The following PTCHD4 variants were observed in gnomAD, a reference collection of about 807,000 sequenced individuals.
The protein encoded by PTCHD4 is patched domain containing 4, also known as patched domain-containing protein 4.
PTCHD4 carries 33 observed loss-of-function variants against 58.1 expected under a neutral mutation model. The observed-to-expected ratio is 0.57, with a 90% CI of 0.43 to 0.76. The LOEUF (loss-of-function observed/expected upper bound fraction) is 0.76, where lower values mean the gene tolerates loss of function less well. Among genes scored for constraint, PTCHD4 ranks in the 30% least tolerant of loss-of-function variants. The pLI is 0.00. For synonymous variants in PTCHD4, 478 were observed against 409.6 expected, an observed-to-expected ratio of 1.17 and a Z score of -2.02; for missense variants, 1,058 against 1,027.1, an observed-to-expected ratio of 1.03 and a Z score of -0.41.
chr6:47,957,568 GACAAGT>G (rs1007666705), intron 4 of PTCHD4, among the ~76,000 whole-genome samples: 37 of 66,678 alleles, frequency 5.5e-4, no homozygotes, highest in South Asian at 1.5e-3. Context: ...TCAAATACAA[GACAAGT>G]TTTTTTTTTT....
At position 48,016,628 on chromosome 6, in the gene PTCHD4, A is replaced by G. The variant is rs1164804976; in HGVS notation, c.418-7514T>C. 2.0e-5 allele frequency among the ~76,000 whole-genome samples: 3 copies of G among 151,934 alleles called. No individual in the cohort carries two copies. In the East Asian group the frequency reaches 5.8e-4, roughly 29 times the overall value. The stretch of plus-strand genomic sequence containing the variant: ...TATCTCTCCAGCAGCAGTAATGCTG[A>G]AGAGAAAAAAAAAATCTTGGGTTCG... On this transcript the variant is annotated intron_variant, in intron 3 of 4. Coordinates refer to ENST00000339488, the MANE Select transcript of PTCHD4 (RefSeq NM_001384253.1).
rs183128378 is a variant in PTCHD4, at chr6:47,928,056, C to G, written c.899-48120G>C. ...AAAATACATGGTGACAGTTTTCTGT[C>G]TTTCTCCATATAAACACCTTGTGGC... On this transcript the variant is annotated intron_variant, in intron 4 of 4. Coordinates refer to ENST00000339488, the MANE Select transcript of PTCHD4 (RefSeq NM_001384253.1). Among the ~76,000 whole-genome samples the G allele has an allele frequency of 2.6e-5, 4 of 152,242 alleles. No individual in the cohort carries two copies. In the East Asian group the frequency reaches 5.8e-4, roughly 22 times the overall value.
intron 4 of PTCHD4, among the ~76,000 whole-genome samples, chr6:47,984,519 A>G (rs774857080): frequency 2.5e-4 from 38 of 152,138 alleles, no homozygotes; most frequent in Non-Finnish European, 4.4e-4. Flanking sequence ...TTCAGATTAC[A>G]ATTGTCAATG....
At chr6:48,103,024 G>C (rs995746730) in intron 1 of PTCHD4, among the ~76,000 whole-genome samples, 2 of 152,210 alleles carry the variant, frequency 1.3e-5, no homozygotes, top group Admixed American at 1.3e-4. Flanking sequence ...TCCACCTCTG[G>C]GGGCAGGGCA....
At chr6:47,927,911 C>T (rs1765679627) in intron 4 of PTCHD4, among the ~76,000 whole-genome samples, 1 of 151,942 alleles carries the variant, frequency 6.6e-6, no homozygotes, top group Non-Finnish European at 1.5e-5. Context: ...ACATGAGCCA[C>T]TGTACCCATC....
At chr6:48,043,464 G>A (rs1763918765) in intron 3 of PTCHD4, among the ~76,000 whole-genome samples, 2 of 151,830 alleles carry the variant, frequency 1.3e-5, no homozygotes, top group Non-Finnish European at 2.9e-5. Context: ...AATTTAGAAT[G>A]TTAAGATTCT....
intron 3 of PTCHD4, among the ~76,000 whole-genome samples, chr6:48,029,541 C>A (rs891147856): frequency 1.3e-5 from 2 of 151,976 alleles, no homozygotes; most frequent in Non-Finnish European, 2.9e-5. Flanking sequence ...GTTAAATTTT[C>A]TAGACTTAAA....
intron 3 of PTCHD4, among the ~76,000 whole-genome samples, chr6:48,036,780 T>C (rs1763653176): frequency 6.6e-6 from 1 of 152,166 alleles, no homozygotes; most frequent in African/African-American, 2.4e-5. Context: ...CTCTAAGATC[T>C]ACAATTAAGA....
chr6:47,859,200 C>A lies in PTCHD4; in HGVS notation c.*19103G>T, dbSNP rs551923768. Among the ~76,000 whole-genome samples the A allele has an allele frequency of 6.6e-6, 1 of 151,992 alleles. No individual in the cohort carries two copies. Among genetic ancestry groups the A allele is most frequent in the Non-Finnish European group, 1.5e-5 (1 of 67,962 alleles). On this transcript the variant is annotated 3_prime_UTR_variant, in exon 5 of 5. Transcript: ENST00000339488. ...TTAAGCCTGAGAAGCAGCAGGCTAC[C>A]AATTGCTCCCATTTAAGGATGTGGC...
intron 4 of PTCHD4, among the ~76,000 whole-genome samples, chr6:47,915,487 G>A (rs1765214416): frequency 6.6e-6 from 1 of 151,950 alleles, no homozygotes; most frequent in Admixed American, 6.6e-5. Flanking sequence ...GATTAAAGGT[G>A]GTTACATCAG....
intron 4 of PTCHD4, among the ~76,000 whole-genome samples, chr6:47,929,924 A>G (rs1416452764): frequency 6.6e-6 from 1 of 152,220 alleles, no homozygotes; most frequent in African/African-American, 2.4e-5. Flanking sequence ...AAGCAGTGAC[A>G]CCTGCTCTTT....
At chr6:48,015,198 G>A (rs1343933960) in intron 3 of PTCHD4, among the ~76,000 whole-genome samples, 2 of 151,974 alleles carry the variant, frequency 1.3e-5, no homozygotes, top group African/African-American at 4.8e-5. Context: ...TCATTGAACT[G>A]AACTGACATC....
At chr6:47,989,454 G>A (rs1768201374) in intron 4 of PTCHD4, among the ~76,000 whole-genome samples, 1 of 152,174 alleles carries the variant, frequency 6.6e-6, no homozygotes, top group Admixed American at 6.5e-5. Flanking sequence ...CCTGTCATAG[G>A]CCCAGAGGCT....
chr6:48,091,907 C>T (rs1765373171), intron 1 of PTCHD4, among the ~76,000 whole-genome samples: 2 of 151,976 alleles, frequency 1.3e-5, no homozygotes, highest in Admixed American at 6.6e-5. Context: ...GCCTCGGGCT[C>T]CCAAAGTGCT....
intron 4 of PTCHD4, among the ~76,000 whole-genome samples, chr6:47,932,291 C>T (rs1232386547): frequency 2.6e-5 from 4 of 152,088 alleles, no homozygotes; most frequent in Non-Finnish European, 1.5e-5. Context: ...TAGCACTGTG[C>T]TGTGTAAGGC....
At chr6:47,996,681 A>C (rs1768500287) in intron 4 of PTCHD4, among the ~76,000 whole-genome samples, 1 of 152,320 alleles carries the variant, frequency 6.6e-6, no homozygotes, top group African/African-American at 2.4e-5. Context: ...CTCTTGGCAA[A>C]TAAGGAATCC....
intron 4 of PTCHD4, among the ~76,000 whole-genome samples, chr6:47,896,721 A>G (rs1430956555): frequency 6.6e-6 from 1 of 152,226 alleles, no homozygotes; most frequent in Non-Finnish European, 1.5e-5. Flanking sequence ...GGAGATGTAC[A>G]CAAAGGGACC....
chr6:48,032,352 G>A (rs1385016007), intron 3 of PTCHD4, among the ~76,000 whole-genome samples: 1 of 151,986 alleles, frequency 6.6e-6, no homozygotes, highest in African/African-American at 2.4e-5. Flanking sequence ...GATTATTCAA[G>A]GCCACATGAG....
chr6:48,010,871 G>T (rs984246589), intron 3 of PTCHD4, among the ~76,000 whole-genome samples: 70 of 152,216 alleles, frequency 4.6e-4, no homozygotes, highest in African/African-American at 1.6e-3. Context: ...AGTTTGCTGA[G>T]AATGGTGGTT....
Sources: allele counts gnomAD v4.1 joint callset (sites outside exome capture counted in the v4.1 genomes callset), GRCh38; gene constraint gnomAD v4.1.1; transcripts MANE v1.5; gene names NCBI Gene and HGNC (gene_info 2026-07-23, HGNC 2026-07-21).